SQOR: variants seen among roughly 807,000 people sequenced by gnomAD.
The protein encoded by SQOR is sulfide quinone oxidoreductase.
SQOR carries 39 observed loss-of-function variants against 48.6 expected under a neutral mutation model. The ratio of observed to expected loss-of-function variants is 0.80; its 90% CI spans 0.62 to 1.05. The LOEUF is 1.05. Ranked by LOEUF, SQOR falls within the 50% of genes least tolerant of loss-of-function variation. SQOR has a pLI of 0.00. For missense variants in SQOR, 561 were observed against 559.9 expected (o/e 1.00, Z -0.02); for synonymous variants, 220 against 206.2 (o/e 1.07, Z -0.57).
chr15:45,635,582 G>A (rs1376209997), intron 1 of SQOR, among the ~76,000 whole-genome samples: 1 of 152,164 alleles, frequency 6.6e-6, no homozygotes, highest in Admixed American at 6.5e-5. Flanking sequence ...AACCTGAAGG[G>A]GAGAGGATTT....
chr15:45,659,524 G>C (rs1889683189), intron 2 of SQOR, among the ~76,000 whole-genome samples: 1 of 152,210 alleles, frequency 6.6e-6, no homozygotes, highest in African/African-American at 2.4e-5. Context: ...TCTGCAGCCT[G>C]GGTGAGAGGG....
chr15:45,658,193 C>T (rs664768), intron 1 of SQOR, among the ~76,000 whole-genome samples: 101,212 of 151,996 alleles, frequency 0.67, 33,797 homozygotes, highest in Admixed American at 0.75. Flanking sequence ...TAAAATATAA[C>T]TTTATGATAC....
intron 1 of SQOR, among the ~76,000 whole-genome samples, chr15:45,642,021 G>C (rs1442394794): frequency 6.6e-6 from 1 of 152,150 alleles, no homozygotes; most frequent in Non-Finnish European, 1.5e-5. Flanking sequence ...GGTCTTTCCT[G>C]TTATAACAGA....
chr15:45,633,496 C>T (rs999033966), upstream of SQOR, among the ~76,000 whole-genome samples: 1 of 151,472 alleles, frequency 6.6e-6, no homozygotes, highest in Admixed American at 6.6e-5. Context: ...GAGTTCAAGA[C>T]CAGCCTGGCC....
At chr15:45,667,655 T>C (rs1889857043) in intron 3 of SQOR, among the ~76,000 whole-genome samples, 1 of 152,164 alleles carries the variant, frequency 6.6e-6, no homozygotes, top group African/African-American at 2.4e-5. Flanking sequence ...AGCTGGCATG[T>C]TTTTAGTCCT....
chr15:45,670,679 C>T lies in SQOR; in HGVS notation c.459+698C>T, dbSNP rs188187009. On this transcript the variant is annotated intron_variant, in intron 4 of 9. Coordinates refer to ENST00000260324, the MANE Select transcript of SQOR (RefSeq NM_021199.4). ...CGGGTAACAAGCTTCAGGAATGTGA[C>T]CTGGGCAAGGGCCTCAACAGAGTTG... Among the ~76,000 whole-genome samples the T allele has an allele frequency of 1.4e-4, 22 of 152,258 alleles. No homozygotes were observed. In the East Asian group the frequency reaches 2.5e-3, roughly 17 times the overall value.
Position 45,669,968 on chromosome 15 carries a change from T to C in SQOR, c.446T>C (p.Leu149Pro), listed in dbSNP as rs1299307917. The part of the protein sequence containing the change: ...RYLIIALGIQ[L>P]DYEKIKGLPE... Reference sequence around the variant, plus strand: ...CTTATTATTGCTCTCGGAATCCAGCTGGACTATGAGAAGGTACCGTGTGAA... The same window carrying C: ...CTTATTATTGCTCTCGGAATCCAGCCGGACTATGAGAAGGTACCGTGTGAA... Residue 149 changes from leucine (L) to proline (P), a missense_variant, in exon 4 of 10, where the codon CTG becomes CCG. By Grantham distance (98) the Leu-to-Pro change is moderately conservative (BLOSUM62 -3). Coordinates refer to ENST00000260324, the MANE Select transcript of SQOR (RefSeq NM_021199.4). 2 of 1,614,002 alleles carry C rather than the reference T, an allele frequency of 1.2e-6. No individual in the cohort carries two copies. Among genetic ancestry groups the C allele is most frequent in the Non-Finnish European group, 1.7e-6 (2 of 1,180,000 alleles).
chr15:45,633,231 C>T (rs935954601), upstream of SQOR, among the ~76,000 whole-genome samples: 3 of 152,038 alleles, frequency 2.0e-5, no homozygotes, highest in African/African-American at 7.2e-5. Context: ...ATGCAAAAAA[C>T]CATTTTTTTG....
chr15:45,675,987 G>T, intron 5 of SQOR, 114 bp from the exon 6 acceptor site: 1 of 993,740 alleles, frequency 1.0e-6, no homozygotes, highest in South Asian at 1.6e-5. Flanking sequence ...AGGACATAAT[G>T]GTGGCAAAAG....
rs117745328 is a variant in SQOR, at chr15:45,640,463, C to T, written c.-18+5355C>T. Among the ~76,000 whole-genome samples, 844 of 152,284 alleles carry T rather than the reference C, an allele frequency of 5.5e-3. 6 individuals carry two copies. Among genetic ancestry groups the T allele is most frequent in the Non-Finnish European group, 9.2e-3 (625 of 68,026 alleles). On this transcript the variant is annotated intron_variant, in intron 1 of 9. Coordinates refer to ENST00000260324, the MANE Select transcript of SQOR (RefSeq NM_021199.4). ...CCCTCAGACAAAGCTTCACCAGGAA[C>T]GGGTCATTGTCATCTAGCTGGACAC... is the stretch of plus-strand genomic sequence containing the variant.
At chr15:45,676,378 G>A (rs1406677147) in intron 6 of SQOR, 68 bp downstream of exon 6, 4 of 1,431,422 alleles carry the variant, frequency 2.8e-6, no homozygotes, top group East Asian at 4.6e-5. Flanking sequence ...ATACATGGGG[G>A]CTCACACCAC....
chr15:45,690,449 GGTCCTGAACCAAGAGT>G (rs1344816325), intron 9 of SQOR, among the ~76,000 whole-genome samples: 3 of 152,138 alleles, frequency 2.0e-5, no homozygotes, highest in Admixed American at 2.0e-4. Context: ...CTACATCAGT[GGTCCTGAACCAAGAGT>G]GATCTTCCTA....
Position 45,681,509 on chromosome 15 carries a change from G to A in SQOR, c.865-969G>A, listed in dbSNP as rs530244623. ...GCCATCAGTGACTGCTGAGCCTCTC[G>A]GAGGGCATGGGAACATTGGACTTCT... On this transcript the variant is annotated intron_variant, in intron 6 of 9. Transcript: ENST00000260324. Among the ~76,000 whole-genome samples the A allele has an allele frequency of 5.9e-5, 9 of 152,114 alleles. 1 individual carries two copies. The highest frequency in any genetic ancestry group is 1.7e-4 in the African/African-American group (7 of 41,484).
intron 2 of SQOR, among the ~76,000 whole-genome samples, chr15:45,659,574 C>G (rs1342883171): frequency 6.6e-6 from 1 of 152,162 alleles, no homozygotes; most frequent in African/African-American, 2.4e-5. Flanking sequence ...CTCCCAGCTT[C>G]TGGTGGTTAC....
intron 3 of SQOR, among the ~76,000 whole-genome samples, chr15:45,662,548 C>G (rs1033064811): frequency 6.6e-6 from 1 of 152,154 alleles, no homozygotes; most frequent in East Asian, 1.9e-4. Flanking sequence ...ATCCAGCCAC[C>G]CTGGGGGGCG....
intron 6 of SQOR, among the ~76,000 whole-genome samples, chr15:45,676,768 T>C (rs113710875): frequency 4.1e-4 from 63 of 152,256 alleles, no homozygotes; most frequent in Non-Finnish European, 7.1e-4. Flanking sequence ...TGGCTGGGCA[T>C]GGTGGCTCAC....
chr15:45,667,933 CTTTCTTTCTTTTT>C (rs1224369257), intron 3 of SQOR, among the ~76,000 whole-genome samples: 2 of 104,834 alleles, frequency 1.9e-5, no homozygotes, highest in Admixed American at 2.1e-4. Context: ...TTATTTCTTT[CTTTCTTTCTTTTT>C]TTTTTTTTTT....
Position 45,670,971 on chromosome 15 carries a change from T to A in SQOR, c.459+990T>A, listed in dbSNP as rs942288119. Among the ~76,000 whole-genome samples, 83 of 152,186 alleles carry A rather than the reference T, an allele frequency of 5.5e-4. 1 individual carries two copies. The highest frequency in any genetic ancestry group is 1.8e-3 in the African/African-American group (76 of 41,440). On this transcript the variant is annotated intron_variant, in intron 4 of 9. Coordinates refer to ENST00000260324, the MANE Select transcript of SQOR (RefSeq NM_021199.4). ...CAAAAAGGCCCCCACAGTGTTGACC[T>A]AGCAAAGGCAATGCGTCTCCATGGT...
chr15:45,677,582 C>T (rs12910629), intron 6 of SQOR, among the ~76,000 whole-genome samples: 30,823 of 152,104 alleles, frequency 0.2, 3,917 homozygotes, highest in Non-Finnish European at 0.29. Context: ...TCTTCTATGA[C>T]GTTGATATTT....
Sources: gnomAD v4.1 joint callset for allele counts (sites outside exome capture counted in the v4.1 genomes callset) on GRCh38, gnomAD v4.1.1 for gene constraint, MANE v1.5 for transcripts, NCBI Gene and HGNC (gene_info 2026-07-23, HGNC 2026-07-21) for gene names.